The following MOCOS variants were observed in gnomAD, a reference collection of about 807,000 sequenced individuals.
The protein encoded by MOCOS is molybdenum cofactor sulfurase.
Under a neutral mutation model 83.6 loss-of-function variants are expected in MOCOS, and 86 were observed. The ratio of observed to expected loss-of-function variants is 1.03; its 90% confidence interval spans 0.86 to 1.23. The LOEUF (loss-of-function observed/expected upper bound fraction) is 1.23, where lower values mean the gene tolerates loss of function less well. Ranked by LOEUF, MOCOS falls within the 50% of genes most tolerant of loss-of-function variation. The pLI is 0.00. For synonymous variants in MOCOS, 445 were observed against 434.7 expected (o/e 1.02, Z -0.29); for missense variants, 1,120 against 1,126.9 (o/e 0.99, Z 0.09).
At chr18:36,189,022 C>T (rs577657187) in intron 1 of MOCOS, among the ~76,000 whole-genome samples, 1 of 152,004 alleles carries the variant, frequency 6.6e-6, no homozygotes, top group East Asian at 1.9e-4. Context: ...GGAGGCTCTC[C>T]ATTCTTTGAA....
At chr18:36,243,573 C>CT (rs111541842) in intron 9 of MOCOS, among the ~76,000 whole-genome samples, 12,130 of 151,558 alleles carry the variant, frequency 0.08, 1,640 homozygotes, top group African/African-American at 0.28. Context: ...CTGTAGTTTT[C>CT]TTTTTTTGTT....
At chr18:36,229,288 C>A (rs186984941) in intron 9 of MOCOS, among the ~76,000 whole-genome samples, 313 of 151,948 alleles carry the variant, frequency 2.1e-3, no homozygotes, top group African/African-American at 7.3e-3. Flanking sequence ...GTATGGTATT[C>A]TTGTTGGCAG....
intron 9 of MOCOS, among the ~76,000 whole-genome samples, chr18:36,225,494 T>C (rs1598882102): frequency 2.0e-5 from 3 of 152,314 alleles, no homozygotes; most frequent in Admixed American, 1.3e-4. Flanking sequence ...GTCAGTTCTG[T>C]TTTTCAAAAA....
At chr18:36,201,676 A>AAAAAAAAAAG (rs2091415453) in intron 4 of MOCOS, among the ~76,000 whole-genome samples, 3 of 147,684 alleles carry the variant, frequency 2.0e-5, no homozygotes, top group Non-Finnish European at 4.5e-5. Flanking sequence ...AAAAAAAAAA[A>AAAAAAAAAAG]AAAGAAATGA....
At chr18:36,239,827 C>T (rs1211386678) in intron 9 of MOCOS, among the ~76,000 whole-genome samples, 2 of 151,488 alleles carry the variant, frequency 1.3e-5, no homozygotes, top group African/African-American at 4.9e-5. Flanking sequence ...GGAGGCTTTG[C>T]TCGTTTCTTT....
Position 36,269,109 on chromosome 18 carries a change from A to G in MOCOS, c.*424A>G. On this transcript the variant is annotated 3_prime_UTR_variant, in exon 15 of 15. Coordinates refer to ENST00000261326, the MANE Select transcript of MOCOS (RefSeq NM_017947.4). ...GTAGTGAGGAAGGGAGTCTATGCCC[A>G]GTGATCCTGGGTATGAGAAGGTGCT... The G allele has an allele frequency of 4.8e-6, 1 of 210,256 alleles. No homozygotes were observed. The highest frequency in any genetic ancestry group is 9.7e-6 in the Non-Finnish European group (1 of 103,514). 13.0% of individuals were successfully genotyped at this position (210,256 alleles called of 1,614,324 possible).
chr18:36,256,941 T>G (rs761852028), intron 11 of MOCOS, 27 bp from the exon 12 acceptor site: 1 of 1,577,118 alleles, frequency 6.3e-7, no homozygotes, highest in Non-Finnish European at 8.7e-7. Context: ...AAAGCAACTC[T>G]TCTTTTAAAT....
At chr18:36,236,649 T>G (rs1432016740) in intron 9 of MOCOS, among the ~76,000 whole-genome samples, 1 of 136,566 alleles carries the variant, frequency 7.3e-6, no homozygotes, top group South Asian at 2.3e-4. Context: ...TTTAAAGTAG[T>G]TTTTTCCAAT....
At chr18:36,223,481 T>G (rs2091504369) in intron 9 of MOCOS, among the ~76,000 whole-genome samples, 1 of 152,200 alleles carries the variant, frequency 6.6e-6, no homozygotes. Flanking sequence ...CATACTGCTT[T>G]GATTACTATA....
Position 36,200,744 on chromosome 18 carries a change from A to G in MOCOS, c.941+420A>G, listed in dbSNP as rs145757642. On this transcript the variant is annotated intron_variant, in intron 4 of 14. Transcript: ENST00000261326. ...GGCACCATTTGGAAAAAGTCTGCCC[A>G]CACATTGACAGCATAGCTGGTTCTC... is the stretch of plus-strand genomic sequence containing the variant. Among the ~76,000 whole-genome samples the G allele has an allele frequency of 8.9e-4, 136 of 152,362 alleles. 1 individual carries two copies. The Middle Eastern group carries it at 0.01, about 11-fold the overall frequency.
intron 9 of MOCOS, among the ~76,000 whole-genome samples, chr18:36,241,325 C>G (rs1343495782): frequency 1.3e-5 from 2 of 152,136 alleles, no homozygotes; most frequent in African/African-American, 2.4e-5. Flanking sequence ...GTAAATATAC[C>G]CATTTTAAAT....
chr18:36,249,810 G>A (rs970855995), intron 10 of MOCOS, among the ~76,000 whole-genome samples: 2 of 152,022 alleles, frequency 1.3e-5, no homozygotes, highest in Non-Finnish European at 2.9e-5. Flanking sequence ...TGAGGGTGAG[G>A]GGGGTTATCA....
At chr18:36,219,860 G>A (rs942068724) in intron 8 of MOCOS, among the ~76,000 whole-genome samples, 195 bp from the exon 9 acceptor site, 1 of 152,194 alleles carries the variant, frequency 6.6e-6, no homozygotes, top group Non-Finnish European at 1.5e-5. Flanking sequence ...GAGGCTGAAT[G>A]GGAGATATCC....
chr18:36,270,711 CAA>C lies in MOCOS; in HGVS notation c.*2044_*2045del, dbSNP rs528119467. 38,173 of 114,468 alleles carry C rather than the reference CAA, an allele frequency of 0.33. 5,363 individuals carry two copies. Among genetic ancestry groups the C allele is most frequent in the Middle Eastern group, 0.45 (82 of 184 alleles). The allele number at this position is 114,468 out of a possible 1,614,324, so 7.1% of individuals were successfully genotyped here. A position where few individuals can be genotyped will look rare whatever the true frequency, so the allele number is the denominator to read the frequency against. On this transcript the variant is annotated 3_prime_UTR_variant, in exon 15 of 15. Coordinates refer to ENST00000261326, the MANE Select transcript of MOCOS (RefSeq NM_017947.4). ...CTGGTGACAGAGCAAGACTCCATCT[CAA>C]AAAAAAAAAAAAAAAAATTAGGTCA...
intron 9 of MOCOS, among the ~76,000 whole-genome samples, chr18:36,227,424 C>T (rs185410016): frequency 9.9e-4 from 148 of 150,238 alleles, no homozygotes; most frequent in Admixed American, 4.2e-3. Context: ...GAGATGGGGT[C>T]TCGCTCTGTC....
chr18:36,238,125 C>T (rs1412361579), intron 9 of MOCOS, among the ~76,000 whole-genome samples: 1 of 142,654 alleles, frequency 7.0e-6, no homozygotes, highest in African/African-American at 2.6e-5. Context: ...TTTTGTGTCT[C>T]TATTTCCTTC....
intron 6 of MOCOS, among the ~76,000 whole-genome samples, 165 bp from the exon 7 acceptor site, chr18:36,213,201 C>T (rs2091461720): frequency 6.6e-6 from 1 of 152,162 alleles, no homozygotes; most frequent in Admixed American, 6.5e-5. Flanking sequence ...CCCACTGAAA[C>T]ATTTTATACA....
In MOCOS at chr18:36,215,599, G is replaced by T. The variant is rs756236625; in HGVS notation, c.1419G>T (p.Ser473=). Residue 473 remains serine, a synonymous_variant, in exon 8 of 15, where the codon TCG becomes TCT. Transcript: ENST00000261326. The stretch of plus-strand genomic sequence containing the variant: ...TGAGGATTTCATTTGGATACATGTC[G>T]ACGCTGGATGATGTCCAGGCCTTTC... ...GSVRISFGYM[S]TLDDVQAFLR... The T allele has an allele frequency of 6.2e-7, 1 of 1,613,974 alleles. No individual in the cohort carries two copies. The highest frequency in any genetic ancestry group is 1.3e-5 in the African/African-American group (1 of 74,876).
chr18:36,249,220 T>C (rs1292087802), intron 10 of MOCOS, among the ~76,000 whole-genome samples: 2 of 152,188 alleles, frequency 1.3e-5, no homozygotes, highest in African/African-American at 4.8e-5. Context: ...CTGTTCCCTC[T>C]GCCTGGTGCT....
Sources: gnomAD v4.1 joint callset for allele counts (sites outside exome capture counted in the v4.1 genomes callset) on GRCh38, gnomAD v4.1.1 for gene constraint, MANE v1.5 for transcripts, NCBI Gene and HGNC (gene_info 2026-07-23, HGNC 2026-07-21) for gene names.